MAP4K3: variants seen among roughly 807,000 people sequenced by gnomAD.
The protein encoded by MAP4K3 is mitogen-activated protein kinase kinase kinase kinase 3, also known as MAPK/ERK kinase kinase kinase 3.
In MAP4K3, 94 loss-of-function variants were observed where a neutral mutation model predicts 143.5. The ratio of observed to expected loss-of-function variants is 0.65; its 90% CI spans 0.55 to 0.78. The LOEUF is 0.78. MAP4K3 is among the 30% of genes least tolerant of loss of function. The pLI is 0.00. For missense variants in MAP4K3, 1,077 were observed against 1,068.1 expected (o/e 1.01, Z -0.12); for synonymous variants, 416 against 347.2 (o/e 1.20, Z -2.20).
intron 1 of MAP4K3, among the ~76,000 whole-genome samples, chr2:39,395,880 ATTTG>A (rs1169377238): frequency 9.2e-5 from 14 of 151,766 alleles, no homozygotes; most frequent in Admixed American, 2.0e-4. Context: ...TGTATGCTTT[ATTTG>A]AAGCCTGAAA....
At chr2:39,329,681 G>T (rs1683619766) in intron 8 of MAP4K3, among the ~76,000 whole-genome samples, 1 of 152,152 alleles carries the variant, frequency 6.6e-6, no homozygotes, top group South Asian at 2.1e-4. Context: ...AGACGAAGAA[G>T]AGAGACTGCA....
chr2:39,397,846 CAAGT>C (rs1666850398), intron 1 of MAP4K3, among the ~76,000 whole-genome samples: 1 of 151,946 alleles, frequency 6.6e-6, no homozygotes, highest in Admixed American at 6.6e-5. Context: ...AAAAAATGGA[CAAGT>C]ATGTGAAAAA....
intron 1 of MAP4K3, among the ~76,000 whole-genome samples, chr2:39,423,811 G>A (rs574605745): frequency 1.3e-5 from 2 of 152,304 alleles, no homozygotes; most frequent in Non-Finnish European, 2.9e-5. Flanking sequence ...TTAAGGCAGT[G>A]AAACTATTCT....
intron 16 of MAP4K3, among the ~76,000 whole-genome samples, chr2:39,294,559 G>A (rs191265590): frequency 3.3e-5 from 5 of 152,294 alleles, no homozygotes; most frequent in Admixed American, 1.3e-4. Flanking sequence ...AAGCCAAGAC[G>A]GCCTGAATCT....
intron 27 of MAP4K3, among the ~76,000 whole-genome samples, chr2:39,266,496 T>C (rs1303480680): frequency 6.7e-6 from 1 of 150,202 alleles, no homozygotes; most frequent in Non-Finnish European, 1.5e-5. Flanking sequence ...ACCTTTATGA[T>C]TTTTTTTTTG....
At chr2:39,268,765 A>C (rs915638753) in intron 26 of MAP4K3, among the ~76,000 whole-genome samples, 2 of 145,598 alleles carry the variant, frequency 1.4e-5, no homozygotes, top group Admixed American at 1.5e-4. Flanking sequence ...TCAGCTTCTC[A>C]AATAGCTGTG....
chr2:39,387,230 T>C (rs557943613), intron 1 of MAP4K3, among the ~76,000 whole-genome samples: 4 of 152,300 alleles, frequency 2.6e-5, no homozygotes, highest in African/African-American at 9.6e-5. Flanking sequence ...TGCCTTTCCA[T>C]ATAAATTTGA....
intron 23 of MAP4K3, among the ~76,000 whole-genome samples, chr2:39,279,966 TA>T (rs1256339655): frequency 6.6e-6 from 1 of 151,618 alleles, no homozygotes; most frequent in Non-Finnish European, 1.5e-5. Flanking sequence ...AAATAAAAAA[TA>T]AAAAAAGATA....
At chr2:39,398,271 C>A (rs1476633612) in intron 1 of MAP4K3, among the ~76,000 whole-genome samples, 6 of 151,414 alleles carry the variant, frequency 4.0e-5, no homozygotes, top group African/African-American at 1.5e-4. Flanking sequence ...ACAGCATATA[C>A]CAACAAACGA....
intron 2 of MAP4K3, among the ~76,000 whole-genome samples, chr2:39,357,997 C>A (rs988548578): frequency 6.6e-6 from 1 of 152,092 alleles, no homozygotes; most frequent in Non-Finnish European, 1.5e-5. Flanking sequence ...GATACAACCT[C>A]AAAGGGAGTC....
At chr2:39,301,348 T>A (rs1004430377) in intron 15 of MAP4K3, among the ~76,000 whole-genome samples, 1 of 152,254 alleles carries the variant, frequency 6.6e-6, no homozygotes, top group Non-Finnish European at 1.5e-5. Context: ...TGTAATGATA[T>A]ATCTTAATAA....
Position 39,325,945 on chromosome 2 carries a change from T to C in MAP4K3, c.679A>G (p.Thr227Ala). 1 of 1,594,552 alleles carries C rather than the reference T, an allele frequency of 6.3e-7. No homozygotes were observed. The highest frequency in any genetic ancestry group is 8.6e-7 in the Non-Finnish European group (1 of 1,165,372). The change falls in exon 10 of 34, where the codon ACA (threonine) becomes GCA (alanine). Residue 227 changes from threonine (T) to alanine (A), a missense_variant. This residue lies in a region of MAP4K3 where 864 missense variants were observed against 801.2 expected (regional missense o/e 1.08). Transcript: ENST00000263881. ...LHPMRALFLM[T>A]KSNFQPPKLK... Reference sequence around the variant, plus strand: ...TTAGGAGGCTGAAAATTGCTTTTTGTCATTAGAAATAATGCTCTGAAAAAT... The same window carrying C: ...TTAGGAGGCTGAAAATTGCTTTTTGCCATTAGAAATAATGCTCTGAAAAAT...
At chr2:39,318,228 G>C (rs1374822942) in intron 12 of MAP4K3, among the ~76,000 whole-genome samples, 2 of 152,006 alleles carry the variant, frequency 1.3e-5, no homozygotes, top group African/African-American at 2.4e-5. Flanking sequence ...GGGAACAATA[G>C]ACATAGGGGC....
At chr2:39,386,047 CA>C (rs1490009791) in intron 1 of MAP4K3, among the ~76,000 whole-genome samples, 3 of 152,166 alleles carry the variant, frequency 2.0e-5, no homozygotes, top group Admixed American at 2.0e-4. Flanking sequence ...TCCCAACCCC[CA>C]GCACTTTAGA....
intron 3 of MAP4K3, among the ~76,000 whole-genome samples, chr2:39,349,488 T>C (rs1665388953): frequency 6.6e-6 from 1 of 152,184 alleles, no homozygotes; most frequent in African/African-American, 2.4e-5. Flanking sequence ...CTACATGAAG[T>C]ATGCTTCCAG....
rs1239613246 is a variant in MAP4K3 at position 39,250,130 on chromosome 2, AT to A, written c.*487del. ...TTTAAAAGTTACAAGATTTATATTC[AT>A]ATTACTAAATTACATATAATAAAAA... On this transcript the variant is annotated 3_prime_UTR_variant, in exon 34 of 34. Transcript: ENST00000263881. 3 of 152,646 alleles carry A rather than the reference AT, an allele frequency of 2.0e-5. No homozygotes were observed. The highest frequency in any genetic ancestry group is 7.2e-5 in the African/African-American group (3 of 41,462). 9.5% of individuals were successfully genotyped at this position (152,646 alleles called of 1,614,324 possible). A position where few individuals can be genotyped will look rare whatever the true frequency, so the allele number is the denominator to read the frequency against.
At chr2:39,347,833 G>A (rs1360033421) in intron 3 of MAP4K3, among the ~76,000 whole-genome samples, 1 of 151,882 alleles carries the variant, frequency 6.6e-6, no homozygotes, top group African/African-American at 2.4e-5. Flanking sequence ...CTTATAAGTG[G>A]TCATTAATTA....
chr2:39,351,146 G>C (rs753647175), intron 3 of MAP4K3, among the ~76,000 whole-genome samples: 3 of 152,092 alleles, frequency 2.0e-5, no homozygotes, highest in Non-Finnish European at 4.4e-5. Context: ...TGGGGTTCCG[G>C]AACCAATCTC....
At chr2:39,322,922 G>C (rs1002511359) in intron 12 of MAP4K3, among the ~76,000 whole-genome samples, 1 of 151,940 alleles carries the variant, frequency 6.6e-6, no homozygotes, top group African/African-American at 2.4e-5. Context: ...CACCTGCCTC[G>C]GTCTTCCAGA....
Sources: gnomAD v4.1 joint callset for allele counts (sites outside exome capture counted in the v4.1 genomes callset) on GRCh38, gnomAD v4.1.1 for gene constraint, gnomAD v4.1.1 regional missense constraint, MANE v1.5 for transcripts, NCBI Gene and HGNC (gene_info 2026-07-23, HGNC 2026-07-21) for gene names.